Variants in EPS15 observed in about 807,000 individuals in gnomAD.
The protein encoded by EPS15 is epidermal growth factor receptor substrate 15.
In EPS15, 72 loss-of-function variants were observed where a neutral mutation model predicts 113.8. The observed-to-expected ratio is 0.63, with a 90% CI of 0.52 to 0.77. The LOEUF is 0.77. Among genes scored for constraint, EPS15 ranks in the 30% least tolerant of loss-of-function variants. The probability of loss-of-function intolerance (pLI) is 0.00; values close to 1 mark genes in which losing one functional copy is unlikely to be tolerated. For missense variants in EPS15, 1,048 were observed against 1,045.8 expected (o/e 1.00, Z -0.03); for synonymous variants, 344 against 363.4 (o/e 0.95, Z 0.61).
chr1:51,408,284 T>A lies in EPS15; in HGVS notation c.1324A>T (p.Thr442Ser), dbSNP rs145956614. ...GCTTTTGCCAATTCTTCTTCGTAAG[T>A]GGAGATCTGCGATTCCTGACTAGTT... ...ELTSQESQIS[T>S]YEEELAKARE... The change falls in exon 15 of 25, where the codon ACT becomes TCT. Residue 442 changes from threonine (T) to serine (S), a missense_variant. By Grantham distance (58) the Thr-to-Ser change is moderately conservative. Coordinates refer to ENST00000371733, the MANE Select transcript of EPS15 (RefSeq NM_001981.3). 2.4e-4 allele frequency: 385 copies of A among 1,613,660 alleles called. No individual in the cohort carries two copies. Among genetic ancestry groups the A allele is most frequent in the Non-Finnish European group, 3.1e-4 (363 of 1,179,658 alleles).
Position 51,408,190 on chromosome 1 carries a change from G to A in EPS15, c.1418C>T (p.Ala473Val). 6.2e-7 allele frequency: 1 copy of A among 1,614,090 alleles called. No individual in the cohort carries two copies. Among genetic ancestry groups the A allele is most frequent in the Non-Finnish European group, 8.5e-7 (1 of 1,179,990 alleles). The change falls in exon 15 of 25, where the codon GCT becomes GTT. Residue 473 changes from alanine to valine, a missense_variant. Ala to Val is a moderately conservative substitution (Grantham distance 64, BLOSUM62 0). Coordinates refer to ENST00000371733, the MANE Select transcript of EPS15 (RefSeq NM_001981.3). ...ELEESVESGK[A>V]QLEPLQQHLQ... ...GTGCTGCTGAAGAGGTTCCAACTGAGCCTTCCCTGACTCTACACTCTCCTC... is the reference window on the plus strand; with the variant it reads ...GTGCTGCTGAAGAGGTTCCAACTGAACCTTCCCTGACTCTACACTCTCCTC...
chr1:51,485,417 A>C (rs1174700355), intron 1 of EPS15, among the ~76,000 whole-genome samples: 1 of 152,200 alleles, frequency 6.6e-6, no homozygotes, highest in Non-Finnish European at 1.5e-5. Context: ...AATCAGTTGG[A>C]AACCTTTAAT....
intron 11 of EPS15, among the ~76,000 whole-genome samples, chr1:51,442,542 T>C (rs975005740): frequency 2.6e-5 from 4 of 152,134 alleles, no homozygotes; most frequent in African/African-American, 9.7e-5. Flanking sequence ...GAAGGGTATA[T>C]GAGAAAAAAT....
At chr1:51,425,261 A>G (rs1202751666) in intron 12 of EPS15, among the ~76,000 whole-genome samples, 1 of 152,190 alleles carries the variant, frequency 6.6e-6, no homozygotes, top group Non-Finnish European at 1.5e-5. Flanking sequence ...AAATACATAA[A>G]TCTAATATGA....
At chr1:51,464,678 C>A (rs1570363382) in intron 6 of EPS15, among the ~76,000 whole-genome samples, 3 of 152,162 alleles carry the variant, frequency 2.0e-5, no homozygotes, top group African/African-American at 7.2e-5. Context: ...AACTATTGTT[C>A]ATTATTTGCC....
chr1:51,438,747 A>T, intron 12 of EPS15, among the ~76,000 whole-genome samples: 1 of 152,174 alleles, frequency 6.6e-6, no homozygotes, highest in East Asian at 1.9e-4. Context: ...TTTTGCAACA[A>T]AGTCAAAAAT....
At position 51,474,094 on chromosome 1, in the gene EPS15, T is replaced by A. The variant is rs562555592; in HGVS notation, c.76-1146A>T. ...TCTTATGAAATCATTATGTACTGTA[T>A]CCCAATTAAGAATTTTACTATCTTC... On this transcript the variant is annotated intron_variant, in intron 2 of 24. Transcript: ENST00000371733. Among the ~76,000 whole-genome samples, 158 of 152,346 alleles carry A rather than the reference T, an allele frequency of 1.0e-3. 1 individual carries two copies. The highest frequency in any genetic ancestry group is 6.2e-3 in the East Asian group (32 of 5,196).
In EPS15 at chr1:51,430,608, G is replaced by C. The variant is rs114568383; in HGVS notation, c.1041-8750C>G. Among the ~76,000 whole-genome samples the C allele has an allele frequency of 1.8e-3, 266 of 151,102 alleles. 2 individuals are homozygous for C. The highest frequency in any genetic ancestry group is 0.01 in the Middle Eastern group (3 of 290). On this transcript the variant is annotated intron_variant, in intron 12 of 24. Coordinates refer to ENST00000371733, the MANE Select transcript of EPS15 (RefSeq NM_001981.3). Reference sequence around the variant, plus strand: ...AATCAAGAATTCGTAGTTCACAAAAGCTTAGGTTAAAGTTTGAGAACAAAG... The same window carrying C: ...AATCAAGAATTCGTAGTTCACAAAACCTTAGGTTAAAGTTTGAGAACAAAG...
At chr1:51,507,051 C>A (rs1321556377) in intron 1 of EPS15, among the ~76,000 whole-genome samples, 1 of 152,128 alleles carries the variant, frequency 6.6e-6, no homozygotes, top group Non-Finnish European at 1.5e-5. Context: ...CAGATTATTG[C>A]TCGAGTTAAC....
intron 1 of EPS15, among the ~76,000 whole-genome samples, chr1:51,503,728 T>C (rs369800521): frequency 6.6e-6 from 1 of 152,300 alleles, no homozygotes; most frequent in African/African-American, 2.4e-5. Flanking sequence ...CAAGACAGTG[T>C]TGTACTGCAC....
intron 21 of EPS15, among the ~76,000 whole-genome samples, chr1:51,371,200 C>T (rs1468310933): frequency 6.6e-6 from 1 of 152,170 alleles, no homozygotes; most frequent in Non-Finnish European, 1.5e-5. Flanking sequence ...CAGGTGTGAG[C>T]CACTGTGCCT....
At chr1:51,392,007 T>C (rs191669652) in intron 21 of EPS15, among the ~76,000 whole-genome samples, 20 of 152,234 alleles carry the variant, frequency 1.3e-4, no homozygotes, top group African/African-American at 3.9e-4. Flanking sequence ...AGTGTATCAG[T>C]AGTATTTGAA....
intron 18 of EPS15, among the ~76,000 whole-genome samples, chr1:51,401,570 T>G (rs1648557122): frequency 6.6e-6 from 1 of 152,224 alleles, no homozygotes; most frequent in Non-Finnish European, 1.5e-5. Flanking sequence ...AATAGTTTCT[T>G]AGATGACACC....
intron 21 of EPS15, among the ~76,000 whole-genome samples, chr1:51,385,893 G>C (rs185026473): frequency 3.3e-5 from 5 of 152,062 alleles, no homozygotes; most frequent in Admixed American, 1.3e-4. Flanking sequence ...AGGATAGGGA[G>C]TTATTATTTA....
intron 21 of EPS15, among the ~76,000 whole-genome samples, chr1:51,374,498 G>A (rs1646737917): frequency 6.6e-6 from 1 of 152,028 alleles, no homozygotes; most frequent in African/African-American, 2.4e-5. Flanking sequence ...CAGCTACTCG[G>A]GAGGGTGAGG....
chr1:51,384,511 A>C (rs991766267), intron 21 of EPS15, among the ~76,000 whole-genome samples: 1 of 151,886 alleles, frequency 6.6e-6, no homozygotes, highest in African/African-American at 2.4e-5. Context: ...TATGTTGCCC[A>C]GGCTGGTCTT....
intron 13 of EPS15, among the ~76,000 whole-genome samples, chr1:51,416,746 C>G (rs1157447455): frequency 6.6e-6 from 1 of 151,860 alleles, no homozygotes; most frequent in Non-Finnish European, 1.5e-5. Context: ...TAAAAGTTAT[C>G]TGAAAAGTTA....
intron 12 of EPS15, among the ~76,000 whole-genome samples, chr1:51,423,920 G>A (rs961873887): frequency 6.6e-6 from 1 of 152,074 alleles, no homozygotes; most frequent in African/African-American, 2.4e-5. Context: ...TTCATAATTT[G>A]GGGTCTATGG....
rs138771182 is a variant in EPS15 at position 51,460,455 on chromosome 1, G to A, written c.561+636C>T. On this transcript the variant is annotated intron_variant, in intron 8 of 24. Coordinates refer to ENST00000371733, the MANE Select transcript of EPS15 (RefSeq NM_001981.3). ...GAAATAAAAGGAAATGTGAAATTTG[G>A]GAGATACATTTGAAGCAAAATTATT... 8.0e-3 allele frequency among the ~76,000 whole-genome samples: 1,217 copies of A among 152,234 alleles called. 16 individuals are homozygous for A. Among genetic ancestry groups the A allele is most frequent in the African/African-American group, 0.027 (1,128 of 41,536 alleles).
Sources: allele counts gnomAD v4.1 joint callset (sites outside exome capture counted in the v4.1 genomes callset), GRCh38; gene constraint gnomAD v4.1.1; transcripts MANE v1.5; gene names NCBI Gene and HGNC (gene_info 2026-07-23, HGNC 2026-07-21).